The following CTNNA2 variants were observed in gnomAD, a reference collection of about 807,000 sequenced individuals.
CTNNA2 encodes catenin alpha 2, also known as catenin alpha-2.
In CTNNA2, 42 loss-of-function variants were observed where a neutral mutation model predicts 101.0. The observed-to-expected ratio is 0.42, with a 90% CI of 0.32 to 0.54. The LOEUF (loss-of-function observed/expected upper bound fraction) is 0.54. CTNNA2 is among the 20% of genes least tolerant of loss of function. CTNNA2 has a pLI of 0.14. For synonymous variants in CTNNA2, 450 were observed against 456.4 expected (o/e 0.99, Z 0.18); for missense variants, 871 against 1,223.1 (o/e 0.71, Z 4.29).
intron 7 of CTNNA2, among the ~76,000 whole-genome samples, chr2:80,225,025 A>G (rs1373679266): frequency 6.6e-6 from 1 of 152,096 alleles, no homozygotes; most frequent in South Asian, 2.1e-4. Flanking sequence ...GGTCACTATC[A>G]CATGGACCCC....
intron 7 of CTNNA2, among the ~76,000 whole-genome samples, chr2:79,916,453 T>A (rs1686208891): frequency 6.7e-6 from 1 of 149,620 alleles, no homozygotes; most frequent in South Asian, 2.1e-4. Context: ...AACTTCAGAT[T>A]CCTCTGTGCA....
intron 3 of CTNNA2, among the ~76,000 whole-genome samples, chr2:79,751,402 T>C (rs1405072250): frequency 6.6e-6 from 1 of 152,048 alleles, no homozygotes; most frequent in African/African-American, 2.4e-5. Flanking sequence ...GAGACTAGCC[T>C]GACCAACATA....
chr2:79,591,647 C>T (rs1676852680), intron 1 of CTNNA2, among the ~76,000 whole-genome samples: 1 of 152,144 alleles, frequency 6.6e-6, no homozygotes. Flanking sequence ...AGGTTTCCAT[C>T]TTATTTTTAG....
intron 8 of CTNNA2, among the ~76,000 whole-genome samples, chr2:80,419,035 C>T (rs1479036651): frequency 1.3e-5 from 2 of 152,254 alleles, no homozygotes; most frequent in African/African-American, 2.4e-5. Context: ...CCAAGTTTCA[C>T]GGTTGGCTTC....
At chr2:80,228,102 C>T (rs530214934) in intron 7 of CTNNA2, among the ~76,000 whole-genome samples, 2 of 152,274 alleles carry the variant, frequency 1.3e-5, no homozygotes, top group South Asian at 4.2e-4. Context: ...GACAAACTCT[C>T]CATGAGTGCA....
At chr2:80,586,278 A>G (rs531486957) in intron 14 of CTNNA2, 4 of 152,342 alleles carry the variant, frequency 2.6e-5, no homozygotes, top group East Asian at 3.9e-4. Flanking sequence ...TGCAAGTGCT[A>G]TAGTTGACAG....
chr2:79,772,241 G>A (rs1673641192), intron 3 of CTNNA2, among the ~76,000 whole-genome samples: 1 of 151,930 alleles, frequency 6.6e-6, no homozygotes, highest in Non-Finnish European at 1.5e-5. Context: ...ACATTAATCA[G>A]TTTGATATTA....
chr2:80,612,708 T>G (rs985542007), intron 17 of CTNNA2, among the ~76,000 whole-genome samples: 6 of 151,528 alleles, frequency 4.0e-5, no homozygotes, highest in Admixed American at 6.6e-5. Flanking sequence ...AAGAATTGCA[T>G]CTAATTGTGT....
intron 2 of CTNNA2, among the ~76,000 whole-genome samples, chr2:79,706,268 C>T (rs891281956): frequency 1.4e-5 from 2 of 146,468 alleles, no homozygotes; most frequent in Non-Finnish European, 3.0e-5. Flanking sequence ...GAGGCTGAGG[C>T]GGGACAATGG....
chr2:80,063,230 T>C (rs530453606), intron 7 of CTNNA2, among the ~76,000 whole-genome samples: 14 of 152,252 alleles, frequency 9.2e-5, no homozygotes, highest in African/African-American at 2.6e-4. Flanking sequence ...TCCCCTTTTC[T>C]TCCTCCTTTC....
chr2:79,511,265 CACA>C (rs1205894370), upstream of CTNNA2, among the ~76,000 whole-genome samples: 4 of 152,108 alleles, frequency 2.6e-5, no homozygotes, highest in Non-Finnish European at 4.4e-5. Context: ...TGGTGCTTAC[CACA>C]TCTTACCACA....
chr2:79,347,957 C>T (rs1359484900), intron 3 of CTNNA2, among the ~76,000 whole-genome samples: 2 of 152,010 alleles, frequency 1.3e-5, no homozygotes, highest in Non-Finnish European at 2.9e-5. Context: ...TGGCACACCC[C>T]ATTTAATAAA....
intron 7 of CTNNA2, among the ~76,000 whole-genome samples, chr2:79,988,464 GTA>G (rs1691923003): frequency 1.2e-5 from 1 of 81,902 alleles, no homozygotes; most frequent in African/African-American, 4.3e-5. Context: ...AAGTGTATGT[GTA>G]TGTGTGTGTG....
chr2:79,685,170 A>G (rs780574866), intron 2 of CTNNA2, among the ~76,000 whole-genome samples: 2 of 152,182 alleles, frequency 1.3e-5, no homozygotes, highest in Non-Finnish European at 2.9e-5. Context: ...TTATGCCAGC[A>G]TATCATTTGG....
At chr2:79,453,380 T>C (rs561871126) in intron 4 of CTNNA2, among the ~76,000 whole-genome samples, 2 of 152,276 alleles carry the variant, frequency 1.3e-5, no homozygotes, top group East Asian at 3.9e-4. Flanking sequence ...CTGGCTCTGG[T>C]ACTTTAATTC....
intron 18 of CTNNA2, among the ~76,000 whole-genome samples, chr2:80,624,588 T>C (rs903495066): frequency 6.6e-6 from 1 of 152,030 alleles, no homozygotes; most frequent in Non-Finnish European, 1.5e-5. Flanking sequence ...TTGATTCTAA[T>C]TTAGCCCCCT....
At chr2:79,266,447 A>T (rs1400494775) in intron 2 of CTNNA2, among the ~76,000 whole-genome samples, 1 of 152,174 alleles carries the variant, frequency 6.6e-6, no homozygotes, top group African/African-American at 2.4e-5. Flanking sequence ...CATACATCTC[A>T]ATTCCTTACT....
chr2:79,750,931 TAA>T (rs1445646505), intron 3 of CTNNA2, among the ~76,000 whole-genome samples: 1 of 152,088 alleles, frequency 6.6e-6, no homozygotes, highest in Non-Finnish European at 1.5e-5. Context: ...TATTCTATAT[TAA>T]AATATTATGG....
intron 4 of CTNNA2, among the ~76,000 whole-genome samples, chr2:79,459,529 C>A (rs1271370104): frequency 6.6e-6 from 1 of 151,830 alleles, no homozygotes; most frequent in Admixed American, 6.6e-5. Flanking sequence ...TTTTAAATTC[C>A]TTTAGAATTA....
Sources: allele counts gnomAD v4.1 joint callset (sites outside exome capture counted in the v4.1 genomes callset), GRCh38; gene constraint gnomAD v4.1.1; transcripts MANE v1.5; gene names NCBI Gene and HGNC (gene_info 2026-07-23, HGNC 2026-07-21).